The following PTPN21 variants were observed in gnomAD, a reference collection of about 807,000 sequenced individuals.
The protein encoded by PTPN21 is protein tyrosine phosphatase non-receptor type 21, also known as tyrosine-protein phosphatase non-receptor type 21.
In PTPN21, 77 loss-of-function variants were observed where a neutral mutation model predicts 131.8. The ratio of observed to expected loss-of-function variants is 0.58; its 90% confidence interval spans 0.49 to 0.71. The LOEUF (loss-of-function observed/expected upper bound fraction) is 0.71. Among genes scored for constraint, PTPN21 ranks in the 30% least tolerant of loss-of-function variants. The pLI is 0.00. For synonymous variants in PTPN21, 715 were observed against 621.3 expected (o/e 1.15, Z -2.24); for missense variants, 1,552 against 1,527.1 (o/e 1.02, Z -0.27).
At chr14:88,499,040 A>C (rs816071) in intron 8 of PTPN21, among the ~76,000 whole-genome samples, 4 of 152,172 alleles carry the variant, frequency 2.6e-5, no homozygotes, top group Admixed American at 1.3e-4. Context: ...GCCAGGTAGA[A>C]GCCTCAAGTT....
rs1305696892 is a variant in PTPN21 at position 88,497,310 on chromosome 14, G to A, written c.765-20C>T. The stretch of plus-strand genomic sequence containing the variant: ...TGCCACCTAAAGAACAGCAAATAGA[G>A]AACTGGCAATGTGAGTGCCCATGGG... On this transcript the variant is annotated intron_variant, in intron 8 of 18. Transcript: ENST00000556564. 1 of 1,589,854 alleles carries A rather than the reference G, an allele frequency of 6.3e-7. No homozygotes were observed. Among genetic ancestry groups the A allele is most frequent in the Non-Finnish European group, 8.6e-7 (1 of 1,158,220 alleles).
intron 11 of PTPN21, 73 bp from the exon 12 acceptor site, chr14:88,485,233 G>T: frequency 1.1e-6 from 1 of 933,330 alleles, no homozygotes; most frequent in Non-Finnish European, 1.6e-6. Context: ...ATTATCCACT[G>T]GATTCTTTCT....
At chr14:88,539,529 T>C (rs1021961873) in intron 2 of PTPN21, among the ~76,000 whole-genome samples, 3 of 151,822 alleles carry the variant, frequency 2.0e-5, no homozygotes, top group African/African-American at 7.3e-5. Flanking sequence ...ATTACAGACA[T>C]GAGCCACCAC....
intron 1 of PTPN21, among the ~76,000 whole-genome samples, chr14:88,554,144 C>CA (rs1412618769): frequency 1.3e-5 from 2 of 152,096 alleles, no homozygotes; most frequent in Non-Finnish European, 2.9e-5. Context: ...GCTTTCTCAG[C>CA]AAAAAAGAAA....
At chr14:88,513,783 C>T (rs932522652) in intron 3 of PTPN21, 1 of 152,170 alleles carries the variant, frequency 6.6e-6, no homozygotes, top group Non-Finnish European at 1.5e-5. Context: ...GTCGTTTTTG[C>T]TAGATATATA....
intron 2 of PTPN21, among the ~76,000 whole-genome samples, chr14:88,534,855 C>A (rs2078606739): frequency 6.6e-6 from 1 of 152,050 alleles, no homozygotes. Context: ...CCAACCTGGG[C>A]AACAGAGTGA....
At chr14:88,484,106 A>G (rs2077695188) in intron 12 of PTPN21, among the ~76,000 whole-genome samples, 1 of 151,876 alleles carries the variant, frequency 6.6e-6, no homozygotes, top group African/African-American at 2.4e-5. Flanking sequence ...CAGTAGCACA[A>G]AATCTTGGCT....
intron 2 of PTPN21, among the ~76,000 whole-genome samples, chr14:88,523,226 C>T (rs866259274): frequency 6.6e-6 from 1 of 151,962 alleles, no homozygotes; most frequent in Non-Finnish European, 1.5e-5. Context: ...TCTAACAGCA[C>T]ACTAAAAGGA....
At chr14:88,477,546 T>A (rs2077566696) in intron 13 of PTPN21, among the ~76,000 whole-genome samples, 1 of 151,438 alleles carries the variant, frequency 6.6e-6, no homozygotes, top group African/African-American at 2.4e-5. Context: ...ATAAGTACTA[T>A]AATAGTGTGC....
chr14:88,495,389 G>A (rs535616675), intron 10 of PTPN21, among the ~76,000 whole-genome samples: 4 of 152,288 alleles, frequency 2.6e-5, no homozygotes, highest in East Asian at 3.9e-4. Flanking sequence ...GGCCGGGCAC[G>A]GTGGCTCACG....
intron 2 of PTPN21, among the ~76,000 whole-genome samples, chr14:88,535,646 T>C (rs573571920): frequency 3.3e-5 from 5 of 152,346 alleles, no homozygotes; most frequent in Non-Finnish European, 5.9e-5. Flanking sequence ...TCTTCAGGTA[T>C]GACAGAAAAT....
intron 14 of PTPN21, among the ~76,000 whole-genome samples, chr14:88,473,217 T>C (rs1372497608): frequency 6.6e-6 from 1 of 152,216 alleles, no homozygotes; most frequent in Non-Finnish European, 1.5e-5. Flanking sequence ...AATGTATGCC[T>C]ATCTGATTTT....
intron 12 of PTPN21, 32 bp downstream of exon 12, chr14:88,485,044 A>C (rs1272869981): frequency 2.0e-6 from 3 of 1,506,678 alleles, no homozygotes; most frequent in Admixed American, 3.3e-5. Flanking sequence ...AGTCATAACT[A>C]TGTAAGGCAT....
chr14:88,493,205 C>A (rs766233795), intron 10 of PTPN21: 16 of 369,892 alleles, frequency 4.3e-5, no homozygotes, highest in Admixed American at 1.1e-4. Flanking sequence ...ATGCTTGACA[C>A]AGAGCAAGCA....
intron 2 of PTPN21, among the ~76,000 whole-genome samples, chr14:88,528,263 A>T (rs1025353848): frequency 8.5e-5 from 13 of 152,230 alleles, no homozygotes; most frequent in Middle Eastern, 3.4e-3. Context: ...CACAATACTG[A>T]TTCTACCCAT....
intron 4 of PTPN21, among the ~76,000 whole-genome samples, chr14:88,506,420 G>A (rs1267282533): frequency 2.0e-5 from 3 of 152,086 alleles, no homozygotes; most frequent in Non-Finnish European, 4.4e-5. Flanking sequence ...ATTCAAAAAT[G>A]CTGGTGAAAT....
chr14:88,540,210 A>G (rs2078687038), intron 2 of PTPN21, among the ~76,000 whole-genome samples: 2 of 152,230 alleles, frequency 1.3e-5, no homozygotes, highest in South Asian at 4.1e-4. Flanking sequence ...AAACGGCTAA[A>G]GAATACTAAA....
At chr14:88,537,083 T>C (rs932772848) in intron 2 of PTPN21, among the ~76,000 whole-genome samples, 5 of 152,202 alleles carry the variant, frequency 3.3e-5, no homozygotes, top group Non-Finnish European at 7.3e-5. Context: ...ATATATATTT[T>C]ACAGCCAAAG....
At chr14:88,472,653 T>G (rs1198822357) in intron 14 of PTPN21, among the ~76,000 whole-genome samples, 188 bp from the exon 15 acceptor site, 2 of 152,098 alleles carry the variant, frequency 1.3e-5, no homozygotes, top group Non-Finnish European at 2.9e-5. Flanking sequence ...GAGGATCACT[T>G]GAGCCTAGGA....
Sources: allele counts gnomAD v4.1 joint callset (sites outside exome capture counted in the v4.1 genomes callset), GRCh38; gene constraint gnomAD v4.1.1; transcripts MANE v1.5; gene names NCBI Gene and HGNC (gene_info 2026-07-23, HGNC 2026-07-21).